Variants in PAPSS1 observed in about 807,000 individuals in gnomAD.
PAPSS1 encodes the protein 3'-phosphoadenosine 5'-phosphosulfate synthase 1, also known as bifunctional 3'-phosphoadenosine 5'-phosphosulfate synthase 1.
In PAPSS1, 50 loss-of-function variants were observed where a neutral mutation model predicts 72.0. The ratio of observed to expected loss-of-function variants is 0.69; its 90% CI spans 0.55 to 0.88. PAPSS1 has a LOEUF of 0.88. PAPSS1 is among the 40% of genes least tolerant of loss of function. PAPSS1 has a pLI of 0.00. For missense variants in PAPSS1, 657 were observed against 782.2 expected (o/e 0.84, Z 1.91); for synonymous variants, 261 against 263.6 (o/e 0.99, Z 0.09).
chr4:107,709,158 G>C (rs1439216692), intron 1 of PAPSS1, among the ~76,000 whole-genome samples: 1 of 152,012 alleles, frequency 6.6e-6, no homozygotes, highest in African/African-American at 2.4e-5. Context: ...TTCAGCTAAA[G>C]TTTTTAACAA....
chr4:107,674,007 T>G (rs1036240233), intron 5 of PAPSS1, among the ~76,000 whole-genome samples: 4 of 152,152 alleles, frequency 2.6e-5, no homozygotes, highest in African/African-American at 9.6e-5. Flanking sequence ...TAAGAGATTT[T>G]GTCACCACCA....
At chr4:107,694,824 GCACTAT>G (rs751078066) in intron 2 of PAPSS1, among the ~76,000 whole-genome samples, 7 of 152,140 alleles carry the variant, frequency 4.6e-5, no homozygotes, top group African/African-American at 7.2e-5. Context: ...GTACATTTAT[GCACTAT>G]TACTTGCCAA....
intron 7 of PAPSS1, among the ~76,000 whole-genome samples, chr4:107,655,203 A>G (rs1297096141): frequency 6.6e-6 from 1 of 152,214 alleles, no homozygotes; most frequent in Non-Finnish European, 1.5e-5. Flanking sequence ...ACTGTTTAAC[A>G]AGAAAGAATC....
intron 10 of PAPSS1, 23 bp from the exon 11 acceptor site, chr4:107,631,883 G>A: frequency 6.5e-7 from 1 of 1,535,800 alleles, no homozygotes; most frequent in South Asian, 1.2e-5. Context: ...TTTCATTTTA[G>A]GTAACTTTGC....
intron 9 of PAPSS1, among the ~76,000 whole-genome samples, chr4:107,653,122 CATGAATATAT>C (rs61311851): frequency 0.18 from 27,253 of 148,036 alleles, 2,822 homozygotes; most frequent in East Asian, 0.37. Flanking sequence ...TGAATATATA[CATGAATATAT>C]ATGAATATAT....
At position 107,720,230 on chromosome 4, in the gene PAPSS1, A is replaced by G. The variant is rs763153639; in HGVS notation, c.-51T>C. Reference sequence around the variant, plus strand: ...GGGTTCTCTGCGCCGGGAGGGTAGCAAGAGGAGGGCAGGCCAGCGAGCGGG... The same window carrying G: ...GGGTTCTCTGCGCCGGGAGGGTAGCGAGAGGAGGGCAGGCCAGCGAGCGGG... On this transcript the variant is annotated 5_prime_UTR_variant, in exon 1 of 12. Coordinates refer to ENST00000265174, the MANE Select transcript of PAPSS1 (RefSeq NM_005443.5). 6.4e-7 allele frequency: 1 copy of G among 1,562,354 alleles called. No homozygotes were observed. Among genetic ancestry groups the G allele is most frequent in the South Asian group, 1.1e-5 (1 of 87,906 alleles).
chr4:107,673,802 G>T (rs1005998016), intron 5 of PAPSS1, among the ~76,000 whole-genome samples: 14 of 152,082 alleles, frequency 9.2e-5, no homozygotes, highest in Non-Finnish European at 1.9e-4. Flanking sequence ...AGAGAGAAAG[G>T]TCGGGTTACC....
At position 107,719,187 on chromosome 4, in the gene PAPSS1, G is replaced by GTTTTTTTTTTTTTTTTT. The variant is rs9307313; in HGVS notation, c.60+932_60+933insAAAAAAAAAAAAAAAAA. Among the ~76,000 whole-genome samples, 22 of 146,410 alleles carry GTTTTTTTTTTTTTTTTT rather than the reference G, an allele frequency of 1.5e-4. 1 individual carries two copies. The highest frequency in any genetic ancestry group is 1.2e-4 in the Non-Finnish European group (8 of 66,564). ...AAAGAACATTTGCCTGAAATTGCTT[G>GTTTTTTTTTTTTTTTTT]TTTTTTTTTTCTTTGATTCATCTAG... On this transcript the variant is annotated intron_variant, in intron 1 of 11. Coordinates refer to ENST00000265174, the MANE Select transcript of PAPSS1 (RefSeq NM_005443.5).
intron 1 of PAPSS1, among the ~76,000 whole-genome samples, chr4:107,718,806 G>C (rs1317856370): frequency 6.6e-6 from 1 of 152,200 alleles, no homozygotes; most frequent in African/African-American, 2.4e-5. Flanking sequence ...AACACCTTAA[G>C]GTAAGAGAAG....
At chr4:107,719,232 G>A (rs1164072300) in intron 1 of PAPSS1, among the ~76,000 whole-genome samples, 1 of 144,656 alleles carries the variant, frequency 6.9e-6, no homozygotes, top group Non-Finnish European at 1.5e-5. Context: ...CGTTTTGGGA[G>A]ACATTGCATT....
rs546110400 is a variant in PAPSS1 at position 107,660,122 on chromosome 4, G to T, written c.670-50C>A. The T allele has an allele frequency of 4.3e-6, 4 of 936,370 alleles. No individual in the cohort carries two copies. The East Asian group carries it at 7.8e-5, about 18-fold the overall frequency. The allele number at this position is 936,370 out of a possible 1,614,324, so 58.0% of individuals were successfully genotyped here. A position where few individuals can be genotyped will look rare whatever the true frequency, so the allele number is the denominator to read the frequency against. ...TAAATGTTTGATTCAAGAATTTAGA[G>T]TTCACCAAAGGGTATCTTAATGAAG... On this transcript the variant is annotated intron_variant, in intron 5 of 11. Coordinates refer to ENST00000265174, the MANE Select transcript of PAPSS1 (RefSeq NM_005443.5).
At position 107,644,953 on chromosome 4, in the gene PAPSS1, T is replaced by TGGA. The variant is rs771111890; in HGVS notation, c.1352_1354dup (p.Leu451dup). On this transcript the variant is annotated inframe_insertion, in exon 10 of 12. Coordinates refer to ENST00000265174, the MANE Select transcript of PAPSS1 (RefSeq NM_005443.5). Reference sequence around the variant, plus strand: ...ATCCTTTGTCCAGCCACCCAGAGGGTGGAGGAGGAGGACAGGGCGCCGGTA... The same window carrying TGGA: ...ATCCTTTGTCCAGCCACCCAGAGGGTGGAGGAGGAGGAGGACAGGGCGCCGGTA... 4 of 1,613,806 alleles carry TGGA rather than the reference T, an allele frequency of 2.5e-6. No individual in the cohort carries two copies. Among genetic ancestry groups the TGGA allele is most frequent in the Non-Finnish European group, 3.4e-6 (4 of 1,179,848 alleles).
intron 10 of PAPSS1, among the ~76,000 whole-genome samples, chr4:107,641,021 G>A (rs1001861669): frequency 1.3e-5 from 2 of 151,918 alleles, no homozygotes; most frequent in Non-Finnish European, 2.9e-5. Context: ...AGCCCTAGAA[G>A]GAAAAAAAAC....
intron 2 of PAPSS1, among the ~76,000 whole-genome samples, chr4:107,696,973 A>G (rs1021462738): frequency 6.6e-6 from 1 of 152,200 alleles, no homozygotes; most frequent in South Asian, 2.1e-4. Context: ...CCTGCAGCCA[A>G]AAGAATGTAG....
intron 9 of PAPSS1, among the ~76,000 whole-genome samples, chr4:107,645,334 T>C (rs1411906031): frequency 6.6e-6 from 1 of 152,170 alleles, no homozygotes; most frequent in African/African-American, 2.4e-5. Flanking sequence ...TTATAAGAAT[T>C]ACTTTCTTGC....
At position 107,654,744 on chromosome 4, in the gene PAPSS1, C is replaced by T. The variant is rs201998934; in HGVS notation, c.1052G>A (p.Arg351His). 94 of 1,613,720 alleles carry T rather than the reference C, an allele frequency of 5.8e-5. No homozygotes were observed. Among genetic ancestry groups the T allele is most frequent in the Middle Eastern group, 3.4e-4 (2 of 5,882 alleles). Residue 351 changes from arginine (R) to histidine (H), a missense_variant, in exon 8 of 12, where the codon CGC (arginine) becomes CAC (histidine). Around this residue, in one of 7 missense-constraint regions of PAPSS1, gnomAD observed 190 missense variants for 176.7 expected, o/e 1.07. Transcript: ENST00000265174. ...PEFFEHRKEE[R>H]CARQWGTTCK... ...TGTCGTTCCCCACTGTCTGGCACAG[C>T]GCTCCTCTTTCCTGTGCTCAAAAAA... is the stretch of plus-strand genomic sequence containing the variant.
intron 11 of PAPSS1, among the ~76,000 whole-genome samples, chr4:107,630,160 T>A (rs1459379180): frequency 1.3e-5 from 2 of 152,208 alleles, no homozygotes; most frequent in Non-Finnish European, 2.9e-5. Context: ...ATGGATTAAA[T>A]GACTGGTATC....
In PAPSS1 at chr4:107,621,608, CTTTTTTTTTTTTTTTTTT is replaced by C. The variant is rs10670438; in HGVS notation, c.1737-7239_1737-7222del. ...CTTTCTAGGAAGACAGGTTTTTTAT[CTTTTTTTTTTTTTTTTTT>C]TTTTTTTTTTTTGAGAAGGAGTCTT... On this transcript the variant is annotated intron_variant, in intron 11 of 11. Coordinates refer to ENST00000265174, the MANE Select transcript of PAPSS1 (RefSeq NM_005443.5). 1.7e-4 allele frequency among the ~76,000 whole-genome samples: 8 copies of C among 48,148 alleles called. 1 individual carries two copies. The highest frequency in any genetic ancestry group is 4.6e-4 in the African/African-American group (6 of 13,154). 31.6% of individuals were successfully genotyped at this position (48,148 alleles called of 152,430 possible). A position where few individuals can be genotyped will look rare whatever the true frequency, so the allele number is the denominator to read the frequency against.
intron 5 of PAPSS1, among the ~76,000 whole-genome samples, chr4:107,679,837 A>C (rs1578417467): frequency 6.6e-6 from 1 of 152,180 alleles, no homozygotes; most frequent in African/African-American, 2.4e-5. Flanking sequence ...CTAATGAAAA[A>C]GTGGACAGCA....
Sources: allele counts gnomAD v4.1 joint callset (sites outside exome capture counted in the v4.1 genomes callset), GRCh38; gene constraint gnomAD v4.1.1; regional missense constraint gnomAD v4.1.1; transcripts MANE v1.5; gene names NCBI Gene and HGNC (gene_info 2026-07-23, HGNC 2026-07-21).